PSMB7: variants seen among roughly 807,000 people sequenced by gnomAD.
PSMB7 encodes the protein proteasome subunit beta type-7.
PSMB7 carries 5 observed loss-of-function variants against 28.1 expected under a neutral mutation model. The ratio of observed to expected loss-of-function variants is 0.18; its 90% confidence interval spans 0.09 to 0.37. The LOEUF is 0.37. Among genes scored for constraint, PSMB7 ranks in the 10% least tolerant of loss-of-function variants. PSMB7 has a pLI of 1.00. For synonymous variants in PSMB7, 122 were observed against 123.7 expected (o/e 0.99, Z 0.09); for missense variants, 275 against 346.2 (o/e 0.79, Z 1.63).
At chr9:124,384,505 A>G in intron 6 of PSMB7, 93 bp downstream of exon 6, 1 of 1,199,352 alleles carries the variant, frequency 8.3e-7, no homozygotes, top group Non-Finnish European at 1.2e-6. Flanking sequence ...AGTGCTGTAC[A>G]AGCTCGGGAG....
chr9:124,403,133 G>A (rs757509245), intron 5 of PSMB7, among the ~76,000 whole-genome samples: 64 of 151,938 alleles, frequency 4.2e-4, no homozygotes, highest in Non-Finnish European at 8.5e-4. Context: ...CAACCTGTTC[G>A]AATTTCTGGA....
intron 5 of PSMB7, among the ~76,000 whole-genome samples, chr9:124,388,621 T>A (rs574352028): frequency 6.6e-6 from 1 of 152,318 alleles, no homozygotes; most frequent in South Asian, 2.1e-4. Flanking sequence ...CAAAAAGTCC[T>A]ATATGCTACA....
At chr9:124,408,403 T>C (rs1830990436) in intron 4 of PSMB7, among the ~76,000 whole-genome samples, 1 of 152,184 alleles carries the variant, frequency 6.6e-6, no homozygotes, top group Non-Finnish European at 1.5e-5. Context: ...TACCTAATAA[T>C]ACCTTAAATA....
chr9:124,362,630 G>A (rs1324809168), intron 6 of PSMB7, among the ~76,000 whole-genome samples: 1 of 152,140 alleles, frequency 6.6e-6, no homozygotes, highest in Non-Finnish European at 1.5e-5. Context: ...TCAGTTAGAA[G>A]GAGTAAGTTC....
At chr9:124,367,112 C>CA (rs1299138613) in intron 6 of PSMB7, among the ~76,000 whole-genome samples, 2 of 152,260 alleles carry the variant, frequency 1.3e-5, no homozygotes, top group African/African-American at 4.8e-5. Context: ...ATAATATTCT[C>CA]AATGAGAGAT....
chr9:124,387,112 G>C (rs559910409), intron 5 of PSMB7, among the ~76,000 whole-genome samples: 1 of 152,148 alleles, frequency 6.6e-6, no homozygotes, highest in Admixed American at 6.5e-5. Flanking sequence ...CGAGCATGGT[G>C]GTGGGCGCCT....
intron 5 of PSMB7, among the ~76,000 whole-genome samples, chr9:124,392,145 T>C (rs1830793878): frequency 6.6e-6 from 1 of 152,230 alleles, no homozygotes; most frequent in South Asian, 2.1e-4. Context: ...TGGTTCCAAA[T>C]AGTTTGCCCA....
At chr9:124,410,559 G>C (rs1205113956) in intron 4 of PSMB7, among the ~76,000 whole-genome samples, 1 of 152,152 alleles carries the variant, frequency 6.6e-6, no homozygotes, top group Non-Finnish European at 1.5e-5. Flanking sequence ...TCAGAAATCT[G>C]ATCAATAGGT....
intron 7 of PSMB7, among the ~76,000 whole-genome samples, chr9:124,354,751 C>T (rs1245317917): frequency 6.6e-6 from 1 of 152,178 alleles, no homozygotes; most frequent in Non-Finnish European, 1.5e-5. Flanking sequence ...GCCCCTCATC[C>T]CTCACACGCT....
chr9:124,415,257 C>T (rs910569041), intron 1 of PSMB7, 107 bp downstream of exon 1: 2 of 1,257,886 alleles, frequency 1.6e-6, no homozygotes, highest in Non-Finnish European at 2.3e-6. Flanking sequence ...CCACAGGCCC[C>T]GCCATGAATT....
intron 6 of PSMB7, among the ~76,000 whole-genome samples, chr9:124,381,455 C>T (rs751958401): frequency 6.6e-6 from 1 of 152,202 alleles, no homozygotes; most frequent in African/African-American, 2.4e-5. Flanking sequence ...GTCCTGGCAA[C>T]CCATTCGAGG....
chr9:124,378,302 G>A (rs1014331550), intron 6 of PSMB7, among the ~76,000 whole-genome samples: 5 of 152,168 alleles, frequency 3.3e-5, no homozygotes. Context: ...TCAAATAAAT[G>A]CTAATTTTTT....
intron 4 of PSMB7, among the ~76,000 whole-genome samples, chr9:124,407,327 A>G (rs1278391528): frequency 6.6e-6 from 1 of 152,170 alleles, no homozygotes; most frequent in East Asian, 1.9e-4. Flanking sequence ...TTTGTAAGTA[A>G]AAACTTCAAA....
At chr9:124,386,674 C>A (rs972236079) in intron 5 of PSMB7, among the ~76,000 whole-genome samples, 8 of 152,108 alleles carry the variant, frequency 5.3e-5, no homozygotes, top group Admixed American at 5.2e-4. Flanking sequence ...TAAAAAAGGA[C>A]AGGGAGAAGA....
chr9:124,406,621 A>C (rs1450891782), intron 4 of PSMB7, among the ~76,000 whole-genome samples: 3 of 151,268 alleles, frequency 2.0e-5, no homozygotes, highest in East Asian at 3.9e-4. Flanking sequence ...AACTCGTATC[A>C]AAAAAAAAGT....
At chr9:124,404,321 T>C (rs186900898) in intron 5 of PSMB7, among the ~76,000 whole-genome samples, 1 of 152,324 alleles carries the variant, frequency 6.6e-6, no homozygotes, top group East Asian at 1.9e-4. Context: ...ATGTAAAAAA[T>C]AGAGCATTTC....
intron 5 of PSMB7, among the ~76,000 whole-genome samples, chr9:124,395,894 T>C (rs908493962): frequency 3.3e-5 from 5 of 152,264 alleles, no homozygotes; most frequent in African/African-American, 4.8e-5. Flanking sequence ...CCTGCTGGAA[T>C]AGGGTCTCCT....
Position 124,405,384 on chromosome 9 carries a change from A to T in PSMB7, c.444T>A (p.Val148=). 6.2e-7 allele frequency: 1 copy of T among 1,613,968 alleles called. No homozygotes were observed. The highest frequency in any genetic ancestry group is 8.5e-7 in the Non-Finnish European group (1 of 1,179,888). The stretch of plus-strand genomic sequence containing the variant: ...AGATGCTGTAGAGGTGAGGTCCAGT[A>T]ACATCTACTCCCCCTAAAACTAGGG... The part of the protein sequence containing the change: ...GAALVLGGVD[V]TGPHLYSIYP... The change falls in exon 5 of 8, where the codon GTT becomes GTA. Residue 148 remains valine (V), a synonymous_variant. Transcript: ENST00000259457.
intron 5 of PSMB7, among the ~76,000 whole-genome samples, chr9:124,392,180 G>A (rs2131167846): frequency 6.6e-6 from 1 of 152,330 alleles, no homozygotes; most frequent in Non-Finnish European, 1.5e-5. Flanking sequence ...GAGAAGCGGA[G>A]CCAAGCTTTA....
Sources: allele counts gnomAD v4.1 joint callset (sites outside exome capture counted in the v4.1 genomes callset), GRCh38; gene constraint gnomAD v4.1.1; transcripts MANE v1.5; gene names NCBI Gene and HGNC (gene_info 2026-07-23, HGNC 2026-07-21).